The following MARK2 variants were observed in gnomAD, a reference collection of about 807,000 sequenced individuals.
MARK2 encodes the protein microtubule affinity regulating kinase 2, also known as serine/threonine-protein kinase MARK2.
In MARK2, 16 loss-of-function variants were observed where a neutral mutation model predicts 89.8. The observed-to-expected ratio is 0.18, with a 90% confidence interval of 0.12 to 0.27. The LOEUF is 0.27. Among genes scored for constraint, MARK2 ranks in the 10% least tolerant of loss-of-function variants. The probability of loss-of-function intolerance (pLI) is 1.00; values close to 1 mark genes in which losing one functional copy is unlikely to be tolerated. For missense variants in MARK2, 621 were observed against 1,049.9 expected, an observed-to-expected ratio of 0.59 and a Z score of 5.65; for synonymous variants, 382 against 399.5, an observed-to-expected ratio of 0.96 and a Z score of 0.52.
rs1280386333 is a variant in MARK2 at position 63,895,615 on chromosome 11, C to T, written c.270C>T (p.Asn90=). ...AGATCATTGACAAGACTCAACTGAACTCCTCCAGCCTCCAGAAAGTAAGCA... is the reference window on the plus strand; with the variant it reads ...AGATCATTGACAAGACTCAACTGAATTCCTCCAGCCTCCAGAAAGTAAGCA... ...AVKIIDKTQL[N]SSSLQKLFRE... is the part of the protein sequence containing the mutation. The change falls in exon 3 of 19, where the codon AAC becomes AAT. Residue 90 remains asparagine, a synonymous_variant. Transcript: ENST00000402010. The T allele has an allele frequency of 6.2e-7, 1 of 1,606,116 alleles. No homozygotes were observed. Among genetic ancestry groups the T allele is most frequent in the African/African-American group, 1.4e-5 (1 of 73,634 alleles).
chr11:63,894,361 G>T (rs1940176424), intron 1 of MARK2, among the ~76,000 whole-genome samples: 1 of 152,220 alleles, frequency 6.6e-6, no homozygotes. Context: ...CTTCGGCCAT[G>T]CAGTCCTTCC....
intron 1 of MARK2, among the ~76,000 whole-genome samples, chr11:63,855,542 A>G (rs993810994): frequency 2.6e-5 from 4 of 151,978 alleles, no homozygotes; most frequent in Non-Finnish European, 5.9e-5. Context: ...AAAAAAAAAA[A>G]CAGTGCAGGA....
intron 1 of MARK2, among the ~76,000 whole-genome samples, chr11:63,870,868 C>G (rs553215810): frequency 6.6e-6 from 1 of 152,230 alleles, no homozygotes; most frequent in East Asian, 1.9e-4. Context: ...TGGCCAAGAC[C>G]TGGGGGGGTC....
chr11:63,846,654 A>AT (rs1465817105), intron 1 of MARK2, among the ~76,000 whole-genome samples: 16 of 147,822 alleles, frequency 1.1e-4, no homozygotes, highest in African/African-American at 4.1e-4. Context: ...CTGGCCAAAA[A>AT]AAATTTTTTT....
chr11:63,857,787 T>C (rs2016941910), intron 1 of MARK2, among the ~76,000 whole-genome samples: 1 of 152,328 alleles, frequency 6.6e-6, no homozygotes, highest in South Asian at 2.1e-4. Flanking sequence ...GTAAGAATCA[T>C]GGTTGTAGAC....
At chr11:63,861,740 CTTTTT>C (rs531935148) in intron 1 of MARK2, among the ~76,000 whole-genome samples, 1 of 127,086 alleles carries the variant, frequency 7.9e-6, no homozygotes. Flanking sequence ...CTCATTTACT[CTTTTT>C]TTTTTTTTTT....
At chr11:63,853,393 A>T (rs2016672460) in intron 1 of MARK2, among the ~76,000 whole-genome samples, 1 of 138,434 alleles carries the variant, frequency 7.2e-6, no homozygotes, top group Non-Finnish European at 1.6e-5. Context: ...GAGCGAAACT[A>T]AAAAAAAAAA....
intron 3 of MARK2, among the ~76,000 whole-genome samples, chr11:63,897,718 G>T (rs1453074215): frequency 6.6e-6 from 1 of 152,172 alleles, no homozygotes; most frequent in Non-Finnish European, 1.5e-5. Context: ...TATAGGAGTG[G>T]CTTCTTCTGT....
chr11:63,900,527 T>C lies in MARK2; in HGVS notation c.769-32T>C, dbSNP rs1469020293. The C allele has an allele frequency of 6.2e-7, 1 of 1,610,494 alleles. No homozygotes were observed. The highest frequency in any genetic ancestry group is 8.5e-7 in the Non-Finnish European group (1 of 1,178,030). On this transcript the variant is annotated intron_variant, in intron 8 of 18. Transcript: ENST00000402010. This position sits in a 1 kb window ranked among gnomAD's most constrained non-coding sequence, Gnocchi z 4.7. ...GTTTCTTCCTTTGGCCTTGGGGTGA[T>C]TTCAATTTTCTAACCCTGGATCCTC...
At position 63,848,838 on chromosome 11, in the gene MARK2, G is replaced by A. The variant is rs112807116; in HGVS notation, c.54+9278G>A. Among the ~76,000 whole-genome samples the A allele has an allele frequency of 2.8e-3, 427 of 152,062 alleles. 2 individuals are homozygous for A. The highest frequency in any genetic ancestry group is 0.01 in the African/African-American group (419 of 41,486). ...GGCCTCCCAAAGTGCTGGGATTACA[G>A]GCGTGAGCCACCGTGCCCGGCTGTA... On this transcript the variant is annotated intron_variant, in intron 1 of 18. Coordinates refer to ENST00000402010, the MANE Select transcript of MARK2 (RefSeq NM_001039469.3).
intron 1 of MARK2, among the ~76,000 whole-genome samples, chr11:63,886,142 A>G (rs191916795): frequency 0.014 from 2,171 of 151,680 alleles, 47 homozygotes; most frequent in African/African-American, 0.049. Context: ...AAAAAAAAAA[A>G]AGAGACGAGA....
At chr11:63,869,055 C>G (rs1038479576) in intron 1 of MARK2, 6 of 353,234 alleles carry the variant, frequency 1.7e-5, no homozygotes, top group African/African-American at 1.3e-4. Flanking sequence ...TTTCTTCTTC[C>G]TTGATTCTGG....
Position 63,909,177 on chromosome 11 carries a change from G to A in MARK2, c.2307G>A (p.Ser769=), listed in dbSNP as rs769860027. 23 of 1,611,310 alleles carry A rather than the reference G, an allele frequency of 1.4e-5. No individual in the cohort carries two copies. Among genetic ancestry groups the A allele is most frequent in the South Asian group, 1.2e-4 (11 of 91,020 alleles). ...ACGGGGTTCGATTTAAGCGGATATC[G>A]GGCACCTCCATGGCCTTCAAAAACA... The part of the protein sequence containing the change: ...SLNGVRFKRI[S]GTSMAFKNIA... The change falls in exon 19 of 19, where the codon TCG becomes TCA. Residue 769 remains serine, a synonymous_variant. Transcript: ENST00000402010.
chr11:63,868,316 C>G (rs1938245553), intron 1 of MARK2, among the ~76,000 whole-genome samples: 1 of 151,810 alleles, frequency 6.6e-6, no homozygotes, highest in African/African-American at 2.4e-5. Flanking sequence ...TGCTTGAGAC[C>G]TTGTCTCAAA....
intron 1 of MARK2, among the ~76,000 whole-genome samples, chr11:63,883,011 G>T (rs1939188694): frequency 6.6e-6 from 1 of 152,150 alleles, no homozygotes; most frequent in African/African-American, 2.4e-5. Context: ...TGGCAGGCTG[G>T]CTCTCCTGTG....
chr11:63,847,752 G>GA, intron 1 of MARK2, among the ~76,000 whole-genome samples: 1 of 152,246 alleles, frequency 6.6e-6, no homozygotes, highest in Admixed American at 6.5e-5. Context: ...ACCTTTCACT[G>GA]AAAGCTCTAA....
intron 1 of MARK2, among the ~76,000 whole-genome samples, chr11:63,844,045 G>C (rs2016155474): frequency 1.3e-5 from 2 of 152,214 alleles, no homozygotes; most frequent in Admixed American, 6.5e-5. Flanking sequence ...CAGGAATGTG[G>C]GTGAATGTCA....
At chr11:63,845,099 C>A (rs1488266434) in intron 1 of MARK2, among the ~76,000 whole-genome samples, 1 of 152,164 alleles carries the variant, frequency 6.6e-6, no homozygotes, top group African/African-American at 2.4e-5. Context: ...ATGAAGTAAC[C>A]TCAGCAGATG....
Position 63,904,714 on chromosome 11 carries a change from G to A in MARK2, c.1677-72G>A, listed in dbSNP as rs1244731343. On this transcript the variant is annotated intron_variant, in intron 15 of 18. Transcript: ENST00000402010. This position sits in a 1 kb window ranked among gnomAD's most constrained non-coding sequence, Gnocchi z 6.3. ...TCCCCCTCCCTGTCCCCACCACAGG[G>A]TGTCCAGGTGCCCAGTGATGGCTGT... 13 of 1,417,754 alleles carry A rather than the reference G, an allele frequency of 9.2e-6. No individual in the cohort carries two copies. The highest frequency in any genetic ancestry group is 3.4e-5 in the Admixed American group (2 of 58,584). 87.8% of individuals were successfully genotyped at this position (1,417,754 alleles called of 1,614,324 possible). A position where few individuals can be genotyped will look rare whatever the true frequency, so the allele number is the denominator to read the frequency against.
Sources: allele counts gnomAD v4.1 joint callset (sites outside exome capture counted in the v4.1 genomes callset), GRCh38; gene constraint gnomAD v4.1.1; non-coding constraint Gnocchi (gnomAD v3.1); transcripts MANE v1.5; gene names NCBI Gene and HGNC (gene_info 2026-07-23, HGNC 2026-07-21).